Variants in TRIM39 observed in about 807,000 individuals in gnomAD.
TRIM39 encodes the protein E3 ubiquitin-protein ligase TRIM39.
A neutral mutation model predicts 53.6 loss-of-function variants in TRIM39; 5 were observed. The ratio of observed to expected loss-of-function variants is 0.09; its 90% CI spans 0.05 to 0.20. TRIM39 has a LOEUF of 0.20. Among genes scored for constraint, TRIM39 ranks in the 10% least tolerant of loss-of-function variants. The probability of loss-of-function intolerance (pLI) is 1.00; values close to 1 mark genes in which losing one functional copy is unlikely to be tolerated. For synonymous variants in TRIM39, 196 were observed against 237.6 expected, an observed-to-expected ratio of 0.82 and a Z score of 1.61; for missense variants, 310 against 621.0, an observed-to-expected ratio of 0.50 and a Z score of 5.32.
chr6:30,327,921 G>A (rs964920311), intron 1 of TRIM39, among the ~76,000 whole-genome samples: 4 of 152,138 alleles, frequency 2.6e-5, no homozygotes, highest in African/African-American at 7.2e-5. Context: ...CTCATTACAT[G>A]GCCACTTATC....
chr6:30,333,002 G>A (rs1786376333), intron 4 of TRIM39, among the ~76,000 whole-genome samples: 1 of 152,174 alleles, frequency 6.6e-6, no homozygotes, highest in Admixed American at 6.5e-5. Context: ...CATAATTGAT[G>A]ATAAAATGTG....
chr6:30,329,660 A>G (rs1372725968), exon 3 of TRIM39: 1 of 1,612,996 alleles, frequency 6.2e-7, no homozygotes, highest in African/African-American at 1.3e-5. Flanking sequence ...TGAGGCCCTC[A>G]GCCTTTTCTG....
intron 3 of TRIM39, among the ~76,000 whole-genome samples, chr6:30,330,165 G>T (rs57079453): frequency 0.026 from 3,937 of 152,246 alleles, 101 homozygotes; most frequent in African/African-American, 0.07. Flanking sequence ...AGGTAATATC[G>T]CTTGAGACTG....
At position 30,335,655 on chromosome 6, in the gene TRIM39, C is replaced by G. The variant is rs1017770623; in HGVS notation, c.550-90C>G. The G allele has an allele frequency of 2.8e-5, 41 of 1,451,204 alleles. No homozygotes were observed. The African/African-American group carries it at 5.0e-4, about 18-fold the overall frequency. 89.9% of individuals were successfully genotyped at this position (1,451,204 alleles called of 1,614,324 possible). A position where few individuals can be genotyped will look rare whatever the true frequency, so the allele number is the denominator to read the frequency against. ...AACCATTTTCAATGAAACTGGAAGT[C>G]TGTGTTAATTCATACATATGGTGGG... On this transcript the variant is annotated intron_variant, in intron 4 of 7. Transcript: ENST00000396551. The surrounding 1 kb of genome is among the most constrained non-coding windows in gnomAD (Gnocchi z 4.7).
At chr6:30,332,445 T>TC (rs1381774059) in intron 4 of TRIM39, among the ~76,000 whole-genome samples, 1 of 152,202 alleles carries the variant, frequency 6.6e-6, no homozygotes, top group Non-Finnish European at 1.5e-5. Flanking sequence ...AGAAGCTAAA[T>TC]CCAAGTTTTG....
chr6:30,340,575 C>G (rs759899884), exon 7 of TRIM39: 1 of 1,613,076 alleles, frequency 6.2e-7, no homozygotes, highest in Non-Finnish European at 8.5e-7. Context: ...CAGCAATTTT[C>G]CCCGACAGTA....
At position 30,342,498 on chromosome 6, in the gene TRIM39, G is replaced by C; in HGVS notation, c.*239G>C. ...GTGGGGAGCTGGTTCCCAGAGGATT[G>C]TCTACCCTGAAGTCCATCAGGTTTT... On this transcript the variant is annotated 3_prime_UTR_variant, in exon 8 of 8. Transcript: ENST00000396551. This position sits in a 1 kb window ranked among gnomAD's most constrained non-coding sequence, Gnocchi z 4.7. 1.7e-6 allele frequency: 1 copy of C among 591,238 alleles called. No individual in the cohort carries two copies. Among genetic ancestry groups the C allele is most frequent in the Non-Finnish European group, 3.0e-6 (1 of 334,290 alleles). The allele number at this position is 591,238 out of a possible 1,614,324, so 36.6% of individuals were successfully genotyped here. A position where few individuals can be genotyped will look rare whatever the true frequency, so the allele number is the denominator to read the frequency against.
intron 5 of TRIM39, 57 bp downstream of exon 5, chr6:30,336,032 G>C: frequency 6.2e-7 from 1 of 1,602,878 alleles, no homozygotes; most frequent in South Asian, 1.1e-5. Flanking sequence ...GCTTTGCGTA[G>C]CCTGGGATTT....
chr6:30,340,623 G>A lies in TRIM39; in HGVS notation c.919+3G>A, dbSNP rs2127411844. 1 of 1,608,662 alleles carries A rather than the reference G, an allele frequency of 6.2e-7. No individual in the cohort carries two copies. Among genetic ancestry groups the A allele is most frequent in the Non-Finnish European group, 8.5e-7 (1 of 1,178,832 alleles). On this transcript the variant is annotated splice_donor_region_variant and intron_variant, in intron 7 of 7. Coordinates refer to ENST00000396551, the Ensembl canonical transcript of TRIM39. Reference sequence around the variant, plus strand: ...GAAAATCCTTAAACAGCTAATTGGTGAGTTGTTCCCAAAAGGAAACTAGAA... The same window carrying A: ...GAAAATCCTTAAACAGCTAATTGGTAAGTTGTTCCCAAAAGGAAACTAGAA...
At chr6:30,328,832 TTAAAA>T (rs1201315280) in intron 1 of TRIM39, 52 bp from the exon 2 acceptor site, 2 of 152,948 alleles carry the variant, frequency 1.3e-5, no homozygotes, top group South Asian at 4.0e-4. Context: ...ACATTAAACT[TTAAAA>T]TATGGTTAAT....
chr6:30,341,258 T>C (rs1345174944), intron 7 of TRIM39: 1 of 364,050 alleles, frequency 2.7e-6, no homozygotes. Context: ...TATATTAATG[T>C]GAATATGCAG....
At chr6:30,330,738 C>T (rs374328020) in intron 3 of TRIM39, 43 bp from the exon 4 acceptor site, 22 of 1,604,490 alleles carry the variant, frequency 1.4e-5, no homozygotes, top group Non-Finnish European at 1.8e-5. Context: ...GTATACCAGT[C>T]AACCCCAAAT....
intron 4 of TRIM39, among the ~76,000 whole-genome samples, chr6:30,333,360 T>G (rs1354987101): frequency 7.0e-6 from 1 of 143,184 alleles, no homozygotes; most frequent in Non-Finnish European, 1.5e-5. Flanking sequence ...GTGGTTTTTT[T>G]TTTTTTTTTT....
exon 4 of TRIM39, chr6:30,330,862 C>T: frequency 6.2e-7 from 1 of 1,614,100 alleles, no homozygotes; most frequent in Non-Finnish European, 8.5e-7. Flanking sequence ...GGAGAAGAAG[C>T]CTGGTGAGCT....
chr6:30,340,545 A>G, exon 7 of TRIM39: 3 of 1,613,104 alleles, frequency 1.9e-6, no homozygotes, highest in Non-Finnish European at 1.7e-6. Flanking sequence ...TTCAGTATCC[A>G]TAGAGCTGGA....
chr6:30,335,901 A>G lies in TRIM39; in HGVS notation c.706A>G (p.Lys236Glu). Residue 236 changes from lysine to glutamate, a missense_variant, in exon 5 of 8, where the codon AAG becomes GAG. Lys to Glu is a moderately conservative substitution (Grantham distance 56). Transcript: ENST00000396551. The surrounding 1 kb of genome is among the most constrained non-coding windows in gnomAD (Gnocchi z 4.7). The stretch of plus-strand genomic sequence containing the variant: ...AGAAAATGCTGCTCACCTTGGGGAC[A>G]AGCGCCGGGACCTGGCCCACTTGGC... The G allele has an allele frequency of 6.2e-7, 1 of 1,612,960 alleles. No homozygotes were observed.
chr6:30,333,663 C>T (rs1022056057), intron 4 of TRIM39, among the ~76,000 whole-genome samples: 3 of 152,076 alleles, frequency 2.0e-5, no homozygotes, highest in African/African-American at 7.2e-5. Context: ...GCCTGGCCGC[C>T]CAGGCCTGTG....
Position 30,342,408 on chromosome 6 carries a change from T to G in TRIM39, c.*149T>G. The G allele has an allele frequency of 1.2e-6, 1 of 807,096 alleles. No individual in the cohort carries two copies. Among genetic ancestry groups the G allele is most frequent in the Non-Finnish European group, 2.0e-6 (1 of 512,356 alleles). 50.0% of individuals were successfully genotyped at this position (807,096 alleles called of 1,614,324 possible). A position where few individuals can be genotyped will look rare whatever the true frequency, so the allele number is the denominator to read the frequency against. On this transcript the variant is annotated 3_prime_UTR_variant, in exon 8 of 8. Coordinates refer to ENST00000396551, the Ensembl canonical transcript of TRIM39. The surrounding 1 kb of genome is among the most constrained non-coding windows in gnomAD (Gnocchi z 4.7). ...CCTTGGTTTCTAGGATGGTTTTGTG[T>G]GGAGGGGGAGGTAGGACTGGGCTGG...
intron 4 of TRIM39, among the ~76,000 whole-genome samples, chr6:30,333,875 A>G (rs539727362): frequency 6.6e-6 from 1 of 152,318 alleles, no homozygotes; most frequent in South Asian, 2.1e-4. Context: ...TATAGAGTGA[A>G]AAAAAGAGAA....
Sources: gnomAD v4.1 joint callset for allele counts (sites outside exome capture counted in the v4.1 genomes callset) on GRCh38, gnomAD v4.1.1 for gene constraint, Gnocchi (gnomAD v3.1) non-coding constraint, MANE v1.5 for transcripts, NCBI Gene and HGNC (gene_info 2026-07-23, HGNC 2026-07-21) for gene names.